Variants in GSE1 observed in about 807,000 individuals in gnomAD.
GSE1 encodes the protein Gse1 coiled-coil protein.
GSE1 carries 32 observed loss-of-function variants against 112.6 expected under a neutral mutation model. That is an observed-to-expected ratio of 0.28 (90% CI 0.21 to 0.38). The LOEUF (loss-of-function observed/expected upper bound fraction) is 0.38. Ranked by LOEUF, GSE1 falls within the 10% of genes least tolerant of loss-of-function variation. The pLI, the probability that GSE1 is intolerant of heterozygous loss-of-function variation, is 1.00. For missense variants in GSE1, 2,348 were observed against 1,699.2 expected (o/e 1.38, Z -6.71); for synonymous variants, 1,115 against 735.6 (o/e 1.52, Z -8.35).
intron 2 of GSE1, among the ~76,000 whole-genome samples, chr16:85,385,632 T>A (rs2047671666): frequency 6.6e-6 from 1 of 152,158 alleles, no homozygotes; most frequent in Admixed American, 6.5e-5. Context: ...GCCTGGCTGC[T>A]GACAGATGGT....
chr16:85,303,405 T>C lies in GSE1; in HGVS notation c.2284-54058T>C, dbSNP rs576666589. Among the ~76,000 whole-genome samples the C allele has an allele frequency of 3.9e-5, 6 of 152,322 alleles. No individual in the cohort carries two copies. In the East Asian group the frequency reaches 9.7e-4, roughly 25 times the overall value. On this transcript the variant is annotated intron_variant, in intron 1 of 2. Coordinates refer to the GSE1 transcript ENST00000637419. The stretch of plus-strand genomic sequence containing the variant: ...AAGGAGGTCTGTGGTTTCCCACCTG[T>C]CGGTCTGACGGTGCCGCGCATCCCC...
chr16:85,523,843 G>A (rs7499309), intron 2 of GSE1, among the ~76,000 whole-genome samples: 116,128 of 152,220 alleles, frequency 0.76, 44,885 homozygotes, highest in African/African-American at 0.89. Context: ...GCAACACCAC[G>A]GGGCTCTTGC....
chr16:85,408,786 T>C (rs1481578687), intron 2 of GSE1, among the ~76,000 whole-genome samples: 6 of 21,710 alleles, frequency 2.8e-4, no homozygotes, highest in African/African-American at 6.1e-4. Context: ...TCAGGGTCCC[T>C]CTGATAATCC....
intron 2 of GSE1, among the ~76,000 whole-genome samples, chr16:85,485,959 C>T (rs2050824025): frequency 6.6e-6 from 1 of 152,234 alleles, no homozygotes. Context: ...GCACTGGCCG[C>T]TGCCTCTCCT....
upstream of GSE1, among the ~76,000 whole-genome samples, chr16:85,611,871 G>A (rs889075910): frequency 1.3e-5 from 2 of 151,190 alleles, no homozygotes; most frequent in Non-Finnish European, 3.0e-5. Flanking sequence ...GAGGGGGAGG[G>A]AGGAAGGCGG....
intron 3 of GSE1, among the ~76,000 whole-genome samples, chr16:85,649,859 A>T (rs1366035862): frequency 3.3e-5 from 5 of 152,114 alleles, no homozygotes; most frequent in African/African-American, 1.2e-4. Context: ...CCTGCTCATC[A>T]TCAGGGCCTG....
chr16:85,264,604 T>A (rs889862937), intron 1 of GSE1, among the ~76,000 whole-genome samples: 1 of 151,826 alleles, frequency 6.6e-6, no homozygotes, highest in Non-Finnish European at 1.5e-5. Context: ...GGGCCGGGGG[T>A]GGCTGCTCGG....
In GSE1 at chr16:85,635,429, G is replaced by A. The variant is rs577389991; in HGVS notation, c.226+1297G>A. The stretch of plus-strand genomic sequence containing the variant: ...GGGCCAGGTTGCATGGGCCCCACCT[G>A]TGTCAAGAGGCCGGACAGCTGCAGG... On this transcript the variant is annotated intron_variant, in intron 2 of 15. Transcript: ENST00000253458. 2.0e-5 allele frequency among the ~76,000 whole-genome samples: 3 copies of A among 152,356 alleles called. No individual in the cohort carries two copies. In the East Asian group the frequency reaches 5.8e-4, roughly 29 times the overall value.
chr16:85,453,342 C>G (rs576345222), intron 2 of GSE1, among the ~76,000 whole-genome samples: 2 of 152,074 alleles, frequency 1.3e-5, no homozygotes, highest in Non-Finnish European at 2.9e-5. Context: ...GGTGCATGGA[C>G]GCAGTGTGTA....
chr16:85,196,057 A>G (rs1029268092), intron 1 of GSE1, among the ~76,000 whole-genome samples: 1 of 152,058 alleles, frequency 6.6e-6, no homozygotes, highest in Non-Finnish European at 1.5e-5. Flanking sequence ...GCTGCAAAAC[A>G]TGTGAGTATT....
intron 1 of GSE1, among the ~76,000 whole-genome samples, chr16:85,316,080 C>T (rs1286298546): frequency 6.6e-6 from 1 of 152,258 alleles, no homozygotes; most frequent in Non-Finnish European, 1.5e-5. Context: ...TCTGGCCTGA[C>T]TGCTGTTTCC....
In GSE1 at chr16:85,336,062, C is replaced by T. The variant is rs566004757; in HGVS notation, c.2284-21401C>T. Among the ~76,000 whole-genome samples, 13 of 152,270 alleles carry T rather than the reference C, an allele frequency of 8.5e-5. No individual in the cohort carries two copies. In the South Asian group the frequency reaches 2.5e-3, roughly 29 times the overall value. Reference sequence around the variant, plus strand: ...CTAGTGTCTCCGAGATATGGAGGAACAGGGCGTGGAGGCTGCCCCTGCCCC... The same window carrying T: ...CTAGTGTCTCCGAGATATGGAGGAATAGGGCGTGGAGGCTGCCCCTGCCCC... On this transcript the variant is annotated intron_variant, in intron 1 of 2. Coordinates refer to the GSE1 transcript ENST00000637419.
chr16:85,221,645 C>T (rs369256459), intron 1 of GSE1, among the ~76,000 whole-genome samples: 4 of 152,184 alleles, frequency 2.6e-5, no homozygotes, highest in East Asian at 3.9e-4. Flanking sequence ...CAGGACGTGC[C>T]GCCTGAATGG....
At chr16:85,478,923 CTT>C (rs1567520887) in intron 2 of GSE1, among the ~76,000 whole-genome samples, 4 of 37,674 alleles carry the variant, frequency 1.1e-4, no homozygotes, top group Admixed American at 3.1e-4. Flanking sequence ...TTCTTTCTTT[CTT>C]TCTCTTTCTT....
rs1181332397 is a variant in GSE1 at position 85,420,716 on chromosome 16, T to C, written c.2464+63073T>C. Among the ~76,000 whole-genome samples the C allele has an allele frequency of 5.9e-5, 9 of 152,134 alleles. 1 individual carries two copies. The highest frequency in any genetic ancestry group is 4.1e-4 in the South Asian group (2 of 4,828). ...TGTGATCCGTCAGCACTCTCAGGGG[T>C]GGCTAGCCAGCAGCTGCCTTCCCTT... On this transcript the variant is annotated intron_variant, in intron 2 of 2. Transcript: ENST00000637419.
At chr16:85,364,823 AAGGGGCCGAGCCCTGCC>A (rs1485716231) in intron 2 of GSE1, among the ~76,000 whole-genome samples, 1 of 152,120 alleles carries the variant, frequency 6.6e-6, no homozygotes, top group African/African-American at 2.4e-5. Context: ...TCCCCGGCAG[AAGGGGCCGAGCCCTGCC>A]ATTCTGCTGG....
intron 2 of GSE1, among the ~76,000 whole-genome samples, chr16:85,504,269 A>C (rs1247286119): frequency 6.6e-6 from 1 of 152,190 alleles, no homozygotes. Context: ...TGGGCACTTG[A>C]AGGTTTGCAA....
chr16:85,633,399 A>C (rs1347035925), intron 1 of GSE1, among the ~76,000 whole-genome samples: 6 of 152,182 alleles, frequency 3.9e-5, no homozygotes, highest in East Asian at 1.9e-4. Flanking sequence ...AACTCCCGCC[A>C]GTCTTCTGAG....
chr16:85,331,385 A>T (rs1022562097), intron 1 of GSE1, among the ~76,000 whole-genome samples: 1 of 135,860 alleles, frequency 7.4e-6, no homozygotes, highest in Non-Finnish European at 1.6e-5. Context: ...ATATATATGT[A>T]TATATATGTG....
Sources: gnomAD v4.1 joint callset for allele counts (sites outside exome capture counted in the v4.1 genomes callset) on GRCh38, gnomAD v4.1.1 for gene constraint, MANE v1.5 for transcripts, NCBI Gene and HGNC (gene_info 2026-07-23, HGNC 2026-07-21) for gene names.